The following SLCO3A1 variants were observed in gnomAD, a reference collection of about 807,000 sequenced individuals.
The protein encoded by SLCO3A1 is solute carrier organic anion transporter family member 3A1.
SLCO3A1 carries 27 observed loss-of-function variants against 63.1 expected under a neutral mutation model. The observed-to-expected ratio is 0.43, with a 90% CI of 0.32 to 0.59. The LOEUF (loss-of-function observed/expected upper bound fraction) is 0.59, where lower values mean the gene tolerates loss of function less well. SLCO3A1 is among the 20% of genes least tolerant of loss of function. The pLI, the probability that SLCO3A1 is intolerant of heterozygous loss-of-function variation, is 0.09. For synonymous variants in SLCO3A1, 473 were observed against 409.9 expected (o/e 1.15, Z -1.86); for missense variants, 773 against 945.8 (o/e 0.82, Z 2.40).
rs764662686 is a variant in SLCO3A1, at chr15:92,164,008, A to G, written c.*873A>G. The G allele has an allele frequency of 1.0e-6, 1 of 984,846 alleles. No individual in the cohort carries two copies. The allele number at this position is 984,846 out of a possible 1,614,324, so 61.0% of individuals were successfully genotyped here. A position where few individuals can be genotyped will look rare whatever the true frequency, so the allele number is the denominator to read the frequency against. On this transcript the variant is annotated 3_prime_UTR_variant, in exon 10 of 10. Coordinates refer to ENST00000318445, the MANE Select transcript of SLCO3A1 (RefSeq NM_013272.4). ...AACGCAGTCCAAGTCATTTGCTTAC[A>G]TTTGCCAAAAACATTTTGCCATTTT... is the stretch of plus-strand genomic sequence containing the variant.
In SLCO3A1 at chr15:91,886,732, C is replaced by G. The variant is rs1315672816; in HGVS notation, c.181-29261C>G. 2.6e-5 allele frequency among the ~76,000 whole-genome samples: 4 copies of G among 152,206 alleles called. No individual in the cohort carries two copies. In the East Asian group the frequency reaches 7.7e-4, roughly 29 times the overall value. ...CTGAATAATCGAGCTCAACTCCAGACAATAATTCAGGGGTACGATGTGATG... is the reference window on the plus strand; with the variant it reads ...CTGAATAATCGAGCTCAACTCCAGAGAATAATTCAGGGGTACGATGTGATG... On this transcript the variant is annotated intron_variant, in intron 1 of 9. Transcript: ENST00000318445. This position sits in a 1 kb window ranked among gnomAD's most constrained non-coding sequence, Gnocchi z 4.9.
At chr15:92,126,035 G>A in intron 5 of SLCO3A1, 26 bp from the exon 6 acceptor site, 3 of 1,606,942 alleles carry the variant, frequency 1.9e-6, no homozygotes, top group Non-Finnish European at 2.6e-6. Context: ...CCTGTTCACA[G>A]CCCTGCCCCT....
In SLCO3A1 at chr15:91,860,175, C is replaced by T. The variant is rs1276481151; in HGVS notation, c.180+6087C>T. On this transcript the variant is annotated intron_variant, in intron 1 of 9. Transcript: ENST00000318445. The surrounding 1 kb of genome is among the most constrained non-coding windows in gnomAD (Gnocchi z 5.5). ...CAGGACTGGCTGGGCGGGGCAGGTA[C>T]CCTGATGCTTCACTTTGGGAGGTCC... 2.6e-5 allele frequency among the ~76,000 whole-genome samples: 4 copies of T among 152,126 alleles called. No homozygotes were observed. The highest frequency in any genetic ancestry group is 5.9e-5 in the Non-Finnish European group (4 of 68,022).
chr15:92,162,502 G>T, intron 9 of SLCO3A1: 1 of 508,696 alleles, frequency 2.0e-6, no homozygotes, highest in South Asian at 2.7e-5. Context: ...GAAGACTGTA[G>T]TATTATCATC....
In SLCO3A1 at chr15:91,854,254, C is replaced by G; in HGVS notation, c.180+166C>G. ...CAGAGGCGGCCGCCGGGGGAGCTGC[C>G]GGCCGGGGCTGCCAGCGAGCGGGTA... On this transcript the variant is annotated intron_variant, in intron 1 of 9. Coordinates refer to ENST00000318445, the MANE Select transcript of SLCO3A1 (RefSeq NM_013272.4). This position sits in a 1 kb window ranked among gnomAD's most constrained non-coding sequence, Gnocchi z 6.4. 10 of 1,115,760 alleles carry G rather than the reference C, an allele frequency of 9.0e-6. No individual in the cohort carries two copies. Among genetic ancestry groups the G allele is most frequent in the South Asian group, 4.5e-5 (1 of 22,068 alleles). 69.1% of individuals were successfully genotyped at this position (1,115,760 alleles called of 1,614,324 possible). A position where few individuals can be genotyped will look rare whatever the true frequency, so the allele number is the denominator to read the frequency against.
chr15:92,167,945 G>GTTTGT (rs57208615), downstream of SLCO3A1, among the ~76,000 whole-genome samples: 22,961 of 152,110 alleles, frequency 0.15, 2,259 homozygotes, highest in East Asian at 0.3. Context: ...TCTTTGCAGA[G>GTTTGT]TTTATTTGGG....
intron 1 of SLCO3A1, among the ~76,000 whole-genome samples, chr15:91,892,312 A>C (rs1210654724): frequency 1.3e-5 from 2 of 152,158 alleles, no homozygotes; most frequent in Non-Finnish European, 2.9e-5. Flanking sequence ...GCATTGGAGC[A>C]GTGTTTTTCA....
At chr15:92,076,871 G>T (rs2047283883) in intron 2 of SLCO3A1, among the ~76,000 whole-genome samples, 1 of 152,218 alleles carries the variant, frequency 6.6e-6, no homozygotes, top group African/African-American at 2.4e-5. Context: ...AGTACGGACT[G>T]TATGAGATTG....
intron 1 of SLCO3A1, among the ~76,000 whole-genome samples, chr15:91,892,921 T>C (rs527992874): frequency 4.2e-4 from 64 of 152,352 alleles, no homozygotes; most frequent in African/African-American, 1.4e-3. Flanking sequence ...AGAACAATAA[T>C]CTGGTGCATA....
chr15:92,029,365 C>T (rs754165998), intron 2 of SLCO3A1, among the ~76,000 whole-genome samples: 3 of 152,188 alleles, frequency 2.0e-5, no homozygotes, highest in Non-Finnish European at 4.4e-5. Flanking sequence ...CGGCAGGACC[C>T]CTTTGCTCTG....
At position 92,128,496 on chromosome 15, in the gene SLCO3A1, G is replaced by A; in HGVS notation, c.1512+7G>A. 2 of 1,567,356 alleles carry A rather than the reference G, an allele frequency of 1.3e-6. No homozygotes were observed. Among genetic ancestry groups the A allele is most frequent in the African/African-American group, 3.9e-5 (2 of 51,536 alleles). ...TGCTGGCTGCAACAGCACGGTAATG[G>A]GATGGGGCAGGGGATGGGGCAGGGG... On this transcript the variant is annotated splice_region_variant and intron_variant, in intron 7 of 9. Coordinates refer to ENST00000318445, the MANE Select transcript of SLCO3A1 (RefSeq NM_013272.4).
chr15:91,952,040 C>T (rs1900017804), intron 2 of SLCO3A1, among the ~76,000 whole-genome samples: 2 of 152,178 alleles, frequency 1.3e-5, no homozygotes, highest in Admixed American at 6.5e-5. Context: ...GCCTCGCCAA[C>T]ACTTATTATT....
At chr15:92,137,097 A>G (rs2048068314) in intron 7 of SLCO3A1, among the ~76,000 whole-genome samples, 1 of 145,882 alleles carries the variant, frequency 6.9e-6, no homozygotes, top group African/African-American at 2.7e-5. Flanking sequence ...AGCATTAGGT[A>G]TATCTCCCAA....
chr15:92,143,537 T>TG (rs72329797), intron 7 of SLCO3A1, among the ~76,000 whole-genome samples: 7,876 of 103,396 alleles, frequency 0.076, 583 homozygotes, highest in African/African-American at 0.14. Context: ...CCTGGATGGC[T>TG]GGGTAAATTA....
chr15:92,120,730 C>A, intron 5 of SLCO3A1, 101 bp downstream of exon 5: 1 of 958,602 alleles, frequency 1.0e-6, no homozygotes, highest in Non-Finnish European at 1.6e-6. Context: ...CCACTCTGCT[C>A]TGGGCCTACA....
intron 2 of SLCO3A1, among the ~76,000 whole-genome samples, chr15:92,026,284 G>T (rs2046572922): frequency 6.6e-6 from 1 of 152,168 alleles, no homozygotes; most frequent in Non-Finnish European, 1.5e-5. Context: ...TTTCCTATCT[G>T]CAAAGTGAAG....
rs549976442 is a variant in SLCO3A1 at position 92,107,964 on chromosome 15, C to G, written c.1009+3422C>G. On this transcript the variant is annotated intron_variant, in intron 4 of 9. Coordinates refer to ENST00000318445, the MANE Select transcript of SLCO3A1 (RefSeq NM_013272.4). ...TGTAAGGTCAGTGTCACTGTTTATT[C>G]CTGTCTATAGATGAGAAAACCAAGC... 3.3e-5 allele frequency among the ~76,000 whole-genome samples: 5 copies of G among 152,270 alleles called. No homozygotes were observed. The East Asian group carries it at 7.7e-4, about 24-fold the overall frequency.
In SLCO3A1 at chr15:91,900,490, C is replaced by T. The variant is rs190118091; in HGVS notation, c.181-15503C>T. 5.3e-5 allele frequency among the ~76,000 whole-genome samples: 8 copies of T among 152,140 alleles called. No homozygotes were observed. The highest frequency in any genetic ancestry group is 1.9e-4 in the East Asian group (1 of 5,174). On this transcript the variant is annotated intron_variant, in intron 1 of 9. Coordinates refer to ENST00000318445, the MANE Select transcript of SLCO3A1 (RefSeq NM_013272.4). This position sits in a 1 kb window ranked among gnomAD's most constrained non-coding sequence, Gnocchi z 4.3. ...GATTACAGGTGCATGCCACTGTGCC[C>T]GGCTAATTTTTGTATTTTCAGTAGA...
intron 1 of SLCO3A1, among the ~76,000 whole-genome samples, chr15:91,866,901 C>T (rs1897179266): frequency 6.6e-6 from 1 of 152,160 alleles, no homozygotes; most frequent in African/African-American, 2.4e-5. Context: ...CCTGGGTAGA[C>T]TGGTCGGAGA....
Sources: gnomAD v4.1 joint callset for allele counts (sites outside exome capture counted in the v4.1 genomes callset) on GRCh38, gnomAD v4.1.1 for gene constraint, Gnocchi (gnomAD v3.1) non-coding constraint, MANE v1.5 for transcripts, NCBI Gene and HGNC (gene_info 2026-07-23, HGNC 2026-07-21) for gene names.